IPO11: variants seen among roughly 807,000 people sequenced by gnomAD.
IPO11 encodes the protein importin 11, also known as importin-11.
In IPO11, 66 loss-of-function variants were observed where a neutral mutation model predicts 143.2. The observed-to-expected ratio is 0.46, with a 90% CI of 0.38 to 0.57. IPO11 has a LOEUF of 0.57. Ranked by LOEUF, IPO11 falls within the 20% of genes least tolerant of loss-of-function variation. IPO11 has a pLI of 0.00. For synonymous variants in IPO11, 385 were observed against 377.8 expected (o/e 1.02, Z -0.22); for missense variants, 1,026 against 1,141.0 (o/e 0.90, Z 1.45).
chr5:62,621,165 G>A (rs1185440332), intron 29 of IPO11, among the ~76,000 whole-genome samples: 2 of 152,176 alleles, frequency 1.3e-5, no homozygotes, highest in African/African-American at 4.8e-5. Flanking sequence ...TAGCCAATGC[G>A]ATGAGAAGAG....
intron 5 of IPO11, among the ~76,000 whole-genome samples, chr5:62,462,212 A>G (rs972542332): frequency 2.0e-5 from 3 of 152,246 alleles, no homozygotes; most frequent in Non-Finnish European, 4.4e-5. Context: ...GAGTCAAATG[A>G]TAAATAGAAA....
At chr5:62,621,581 A>T (rs1383492049) in intron 29 of IPO11, among the ~76,000 whole-genome samples, 2 of 152,154 alleles carry the variant, frequency 1.3e-5, no homozygotes, top group Non-Finnish European at 1.5e-5. Flanking sequence ...TTAAGGGGGA[A>T]GGGGAGTGGG....
intron 22 of IPO11, among the ~76,000 whole-genome samples, chr5:62,531,227 G>T (rs1190320241): frequency 6.6e-6 from 1 of 152,180 alleles, no homozygotes; most frequent in East Asian, 1.9e-4. Flanking sequence ...GCCCAGACTG[G>T]AGTGCAGTGG....
rs765754459 is a variant in IPO11, at chr5:62,485,412, A to T, written c.1175-7A>T. 1 of 1,604,140 alleles carries T rather than the reference A, an allele frequency of 6.2e-7. No homozygotes were observed. The highest frequency in any genetic ancestry group is 1.1e-5 in the South Asian group (1 of 90,768). On this transcript the variant is annotated splice_polypyrimidine_tract_variant and splice_region_variant and intron_variant, in intron 11 of 29. Transcript: ENST00000325324. ...AAAATGTCATTATTACATATTTTTA[A>T]TTGCAGCAGTGGAAGAAACAGGAGG...
chr5:62,596,746 TC>T (rs1745238845), intron 28 of IPO11, among the ~76,000 whole-genome samples: 1 of 149,972 alleles, frequency 6.7e-6, no homozygotes, highest in African/African-American at 2.5e-5. Context: ...GAAGTCTCTC[TC>T]TCTTCAGTTT....
At chr5:62,452,723 G>GGTGTGTGTGTGT (rs57057274) in intron 5 of IPO11, among the ~76,000 whole-genome samples, 1 of 135,334 alleles carries the variant, frequency 7.4e-6, no homozygotes, top group Non-Finnish European at 1.5e-5. Flanking sequence ...TTTTTGGTGG[G>GGTGTGTGTGTGT]GTGTGTGTGT....
Position 62,508,169 on chromosome 5 carries a change from C to T in IPO11, c.1782+1812C>T, listed in dbSNP as rs72769144. Among the ~76,000 whole-genome samples, 548 of 152,270 alleles carry T rather than the reference C, an allele frequency of 3.6e-3. 3 individuals carry two copies. Among genetic ancestry groups the T allele is most frequent in the Non-Finnish European group, 6.3e-3 (428 of 68,016 alleles). ...TGAGATGAAGTCTTGCTCTCCCCCCCGGGCTGGAGTGCAGTGGCGCATCTC... is the reference window on the plus strand; with the variant it reads ...TGAGATGAAGTCTTGCTCTCCCCCCTGGGCTGGAGTGCAGTGGCGCATCTC... On this transcript the variant is annotated intron_variant, in intron 19 of 29. Coordinates refer to ENST00000325324, the MANE Select transcript of IPO11 (RefSeq NM_016338.5).
intron 8 of IPO11, among the ~76,000 whole-genome samples, chr5:62,475,147 T>A (rs907108103): frequency 6.6e-6 from 1 of 151,986 alleles, no homozygotes; most frequent in Non-Finnish European, 1.5e-5. Context: ...GCTAAAGCGA[T>A]CCGCCCACCT....
chr5:62,561,289 T>TTCGGCTGGGCGCGGTGGC lies in IPO11; in HGVS notation c.2582+34_2582+35insGGCTGGGCGCGGTGGCTC. On this transcript the variant is annotated intron_variant, in intron 27 of 29. Coordinates refer to ENST00000325324, the MANE Select transcript of IPO11 (RefSeq NM_016338.5). ...AAATGTTTTCTTAAAATTTGTTTCT[T>TTCGGCTGGGCGCGGTGGC]TCAAGCATCAAAATGTAAACACTAT... The TTCGGCTGGGCGCGGTGGC allele has an allele frequency of 1.6e-6, 2 of 1,220,818 alleles. 1 individual carries two copies. Among genetic ancestry groups the TTCGGCTGGGCGCGGTGGC allele is most frequent in the Non-Finnish European group, 2.3e-6 (2 of 884,960 alleles). The allele number at this position is 1,220,818 out of a possible 1,614,324, so 75.6% of individuals were successfully genotyped here.
intron 5 of IPO11, among the ~76,000 whole-genome samples, chr5:62,457,794 G>T (rs976794995): frequency 6.6e-6 from 1 of 152,122 alleles, no homozygotes; most frequent in Admixed American, 6.5e-5. Context: ...ATGCCAAGGC[G>T]CCACTTCCAT....
At chr5:62,599,087 A>T (rs975657272) in intron 28 of IPO11, among the ~76,000 whole-genome samples, 3 of 152,198 alleles carry the variant, frequency 2.0e-5, no homozygotes, top group African/African-American at 7.2e-5. Context: ...CTTGTGAGAC[A>T]TGCAGATTCT....
intron 26 of IPO11, among the ~76,000 whole-genome samples, chr5:62,558,299 A>G (rs1178557072): frequency 3.9e-5 from 6 of 152,366 alleles, no homozygotes; most frequent in Admixed American, 2.6e-4. Flanking sequence ...TCAGTAATAA[A>G]CTATCAATAA....
At chr5:62,464,075 C>T (rs770601410) in intron 5 of IPO11, among the ~76,000 whole-genome samples, 2 of 150,430 alleles carry the variant, frequency 1.3e-5, no homozygotes, top group South Asian at 2.1e-4. Context: ...CCACCTGCCT[C>T]GGTCCCCCAG....
intron 24 of IPO11, among the ~76,000 whole-genome samples, chr5:62,550,135 G>A (rs1416616537): frequency 6.6e-6 from 1 of 152,152 alleles, no homozygotes; most frequent in Non-Finnish European, 1.5e-5. Flanking sequence ...ACAGTTGTAT[G>A]CAAGATATAT....
chr5:62,437,064 A>G (rs1642987585), intron 1 of IPO11, among the ~76,000 whole-genome samples: 1 of 152,158 alleles, frequency 6.6e-6, no homozygotes, highest in Admixed American at 6.5e-5. Context: ...AGTTTCCTTT[A>G]GGAATAAATT....
rs1457093244 is a variant in IPO11, at chr5:62,503,337, A to G, written c.1591-1330A>G. 2.3e-5 allele frequency among the ~76,000 whole-genome samples: 3 copies of G among 131,988 alleles called. No individual in the cohort carries two copies. In the East Asian group the frequency reaches 7.5e-4, roughly 33 times the overall value. The allele number at this position is 131,988 out of a possible 152,430, so 86.6% of individuals were successfully genotyped here. On this transcript the variant is annotated intron_variant, in intron 16 of 29. Transcript: ENST00000325324. Reference sequence around the variant, plus strand: ...ATATATTAATAGTATCTACTAATATATTAATAGTATCTATTAATATATTAA... The same window carrying G: ...ATATATTAATAGTATCTACTAATATGTTAATAGTATCTATTAATATATTAA...
chr5:62,608,620 C>T (rs1291287779), intron 29 of IPO11, among the ~76,000 whole-genome samples: 1 of 152,146 alleles, frequency 6.6e-6, no homozygotes, highest in Non-Finnish European at 1.5e-5. Context: ...GCCCTTTTGT[C>T]CCTTTTCTCC....
chr5:62,581,294 A>AT, intron 27 of IPO11: 1 of 1,515,072 alleles, frequency 6.6e-7, no homozygotes, highest in Non-Finnish European at 8.8e-7. Flanking sequence ...CTTTTTGAAC[A>AT]TTCTGCTTTA....
chr5:62,430,024 T>C (rs1340184886), intron 1 of IPO11, among the ~76,000 whole-genome samples: 2 of 152,192 alleles, frequency 1.3e-5, no homozygotes, highest in Non-Finnish European at 2.9e-5. Flanking sequence ...CCCAAAGTGC[T>C]GGGATTATAG....
Sources: allele counts gnomAD v4.1 joint callset (sites outside exome capture counted in the v4.1 genomes callset), GRCh38; gene constraint gnomAD v4.1.1; transcripts MANE v1.5; gene names NCBI Gene and HGNC (gene_info 2026-07-23, HGNC 2026-07-21).